The following SH3RF3 variants were observed in gnomAD, a reference collection of about 807,000 sequenced individuals.
The protein encoded by SH3RF3 is E3 ubiquitin-protein ligase SH3RF3.
Under a neutral mutation model 66.3 loss-of-function variants are expected in SH3RF3, and 29 were observed. The observed-to-expected ratio is 0.44, with a 90% CI of 0.33 to 0.60. SH3RF3 has a LOEUF of 0.60. Ranked by LOEUF, SH3RF3 falls within the 20% of genes least tolerant of loss-of-function variation. The pLI is 0.04. For synonymous variants in SH3RF3, 583 were observed against 532.0 expected (o/e 1.10, Z -1.32); for missense variants, 1,194 against 1,190.9 (o/e 1.00, Z -0.04).
At chr2:109,197,398 G>A (rs1428176550) in intron 1 of SH3RF3, among the ~76,000 whole-genome samples, 1 of 152,174 alleles carries the variant, frequency 6.6e-6, no homozygotes, top group African/African-American at 2.4e-5. Flanking sequence ...CTTGCAAGCT[G>A]TTTGTCCTCG....
At chr2:109,484,781 G>C (rs1320524676) in intron 8 of SH3RF3, among the ~76,000 whole-genome samples, 1 of 152,212 alleles carries the variant, frequency 6.6e-6, no homozygotes, top group African/African-American at 2.4e-5. Context: ...CCTGAGACCT[G>C]GTATCAACAG....
At chr2:109,171,733 G>A (rs945376632) in intron 1 of SH3RF3, among the ~76,000 whole-genome samples, 3 of 152,246 alleles carry the variant, frequency 2.0e-5, no homozygotes, top group Non-Finnish European at 2.9e-5. Flanking sequence ...TGCGCCTGGC[G>A]CTGCCCTCCT....
Position 109,274,026 on chromosome 2 carries a change from C to G in SH3RF3, c.574-73648C>G, listed in dbSNP as rs117174297. 8.1e-3 allele frequency among the ~76,000 whole-genome samples: 1,236 copies of G among 152,162 alleles called. 12 individuals are homozygous for G. The highest frequency in any genetic ancestry group is 0.038 in the East Asian group (195 of 5,186). ...ATAGTTCTGGGCTTATAAAAGAGTG[C>G]CAGTAATATTACCTCCTATGTGTGA... is the stretch of plus-strand genomic sequence containing the variant. On this transcript the variant is annotated intron_variant, in intron 1 of 9. Coordinates refer to ENST00000309415, the MANE Select transcript of SH3RF3 (RefSeq NM_001099289.3).
At chr2:109,366,300 A>G (rs1683149551) in intron 2 of SH3RF3, among the ~76,000 whole-genome samples, 1 of 152,198 alleles carries the variant, frequency 6.6e-6, no homozygotes, top group Non-Finnish European at 1.5e-5. Context: ...TATCAAGTCC[A>G]CTAAGTAAAT....
At chr2:109,437,426 C>T (rs1677436093) in intron 7 of SH3RF3, among the ~76,000 whole-genome samples, 1 of 152,008 alleles carries the variant, frequency 6.6e-6, no homozygotes, top group Admixed American at 6.5e-5. Context: ...TATCATGTTA[C>T]CCATCCTGGC....
intron 9 of SH3RF3, among the ~76,000 whole-genome samples, chr2:109,498,343 C>T (rs1679305677): frequency 6.6e-6 from 1 of 152,170 alleles, no homozygotes; most frequent in Non-Finnish European, 1.5e-5. Context: ...CCAAGTCAGC[C>T]TCAGGAGCCC....
intron 1 of SH3RF3, among the ~76,000 whole-genome samples, chr2:109,284,405 G>A (rs1260712565): frequency 6.6e-6 from 1 of 152,202 alleles, no homozygotes; most frequent in Non-Finnish European, 1.5e-5. Flanking sequence ...CAATTGTGGG[G>A]CAGGACCTTA....
intron 7 of SH3RF3, among the ~76,000 whole-genome samples, chr2:109,439,083 G>C (rs972054667): frequency 3.3e-5 from 5 of 152,128 alleles, no homozygotes; most frequent in Non-Finnish European, 5.9e-5. Flanking sequence ...CCAATTCAAA[G>C]AAGAAATGGA....
chr2:109,287,186 A>G (rs1681048132), intron 1 of SH3RF3, among the ~76,000 whole-genome samples: 1 of 152,188 alleles, frequency 6.6e-6, no homozygotes, highest in South Asian at 2.1e-4. Flanking sequence ...AGAATTTTGC[A>G]TCCAAAATTT....
At chr2:109,319,425 T>C (rs1013816144) in intron 1 of SH3RF3, among the ~76,000 whole-genome samples, 1 of 152,240 alleles carries the variant, frequency 6.6e-6, no homozygotes, top group East Asian at 1.9e-4. Context: ...CTTTTCAGCC[T>C]GCTGGGCTGA....
At chr2:109,184,304 C>G (rs1235826524) in intron 1 of SH3RF3, among the ~76,000 whole-genome samples, 1 of 152,156 alleles carries the variant, frequency 6.6e-6, no homozygotes, top group Non-Finnish European at 1.5e-5. Context: ...TTCAAATGAC[C>G]AAGTTCATAT....
chr2:109,315,531 C>T (rs1681857494), intron 1 of SH3RF3, among the ~76,000 whole-genome samples: 1 of 152,212 alleles, frequency 6.6e-6, no homozygotes. Context: ...AACGACCATC[C>T]GTTTTTGGTG....
At chr2:109,229,484 C>T (rs895530259) in intron 1 of SH3RF3, among the ~76,000 whole-genome samples, 2 of 152,130 alleles carry the variant, frequency 1.3e-5, no homozygotes, top group Non-Finnish European at 2.9e-5. Flanking sequence ...CAGACTGGTC[C>T]TGGGGTGGTC....
At chr2:109,214,448 T>TA (rs1217461755) in intron 1 of SH3RF3, among the ~76,000 whole-genome samples, 48 of 128,956 alleles carry the variant, frequency 3.7e-4, no homozygotes, top group South Asian at 3.2e-3. Context: ...CTTAAAGTAT[T>TA]AAAAAAAAAG....
At chr2:109,291,465 G>A (rs1681179472) in intron 1 of SH3RF3, among the ~76,000 whole-genome samples, 1 of 152,186 alleles carries the variant, frequency 6.6e-6, no homozygotes, top group Non-Finnish European at 1.5e-5. Flanking sequence ...GTAGGGCCAG[G>A]AGGACCGGGC....
chr2:109,460,252 T>C (rs1353616827), intron 8 of SH3RF3, among the ~76,000 whole-genome samples: 1 of 152,120 alleles, frequency 6.6e-6, no homozygotes, highest in Admixed American at 6.5e-5. Context: ...GACAAATCCA[T>C]ATCTAGAGTG....
At chr2:109,427,053 T>C (rs10176336) in intron 5 of SH3RF3, among the ~76,000 whole-genome samples, 88,507 of 151,848 alleles carry the variant, frequency 0.58, 26,707 homozygotes, top group African/African-American at 0.74. Flanking sequence ...ACTGGAACCT[T>C]CGCCTCCTGG....
intron 1 of SH3RF3, among the ~76,000 whole-genome samples, chr2:109,274,063 A>T (rs1035132298): frequency 6.6e-6 from 1 of 152,216 alleles, no homozygotes. Flanking sequence ...TATTATTAAC[A>T]TTACTGCTAT....
At chr2:109,438,621 A>G (rs573462737) in intron 7 of SH3RF3, among the ~76,000 whole-genome samples, 4 of 152,210 alleles carry the variant, frequency 2.6e-5, no homozygotes, top group Non-Finnish European at 5.9e-5. Flanking sequence ...GCCCTGGGAA[A>G]GAATCTGCAG....
Sources: allele counts gnomAD v4.1 joint callset (sites outside exome capture counted in the v4.1 genomes callset), GRCh38; gene constraint gnomAD v4.1.1; transcripts MANE v1.5; gene names NCBI Gene and HGNC (gene_info 2026-07-23, HGNC 2026-07-21).